The following POLR2F variants were observed in gnomAD, a reference collection of about 807,000 sequenced individuals.
The protein encoded by POLR2F is DNA-directed RNA polymerases I, II, and III subunit RPABC2.
Under a neutral mutation model 22.7 loss-of-function variants are expected in POLR2F, and 12 were observed. That is an observed-to-expected ratio of 0.53 (90% CI 0.34 to 0.86). POLR2F has a LOEUF of 0.86. Ranked by LOEUF, POLR2F falls within the 40% of genes least tolerant of loss-of-function variation. POLR2F has a pLI of 0.02. For missense variants in POLR2F, 126 were observed against 171.5 expected (o/e 0.73, Z 1.48); for synonymous variants, 57 against 66.0 (o/e 0.86, Z 0.66).
chr22:37,958,211 C>T (rs939626664), intron 2 of POLR2F, among the ~76,000 whole-genome samples: 17 of 142,632 alleles, frequency 1.2e-4, no homozygotes, highest in African/African-American at 3.2e-4. Flanking sequence ...TTTTTTGAGA[C>T]GGGGTCTTGC....
At chr22:37,954,412 C>T (rs1931274708) in intron 1 of POLR2F, among the ~76,000 whole-genome samples, 1 of 152,048 alleles carries the variant, frequency 6.6e-6, no homozygotes, top group Non-Finnish European at 1.5e-5. Context: ...AAGGGATTCT[C>T]CTGCCTCAGC....
intron 5 of POLR2F, chr22:38,040,254 C>T (rs1420281476): frequency 6.9e-6 from 1 of 144,512 alleles, no homozygotes; most frequent in Non-Finnish European, 1.5e-5. Context: ...CATGGCACCC[C>T]AGCCTGGGGG....
upstream of POLR2F, among the ~76,000 whole-genome samples, chr22:37,981,253 G>C (rs1932387346): frequency 1.3e-5 from 2 of 152,292 alleles, no homozygotes; most frequent in East Asian, 3.9e-4. Flanking sequence ...GAGGTTTCAG[G>C]AGAAGCCCCT....
chr22:38,039,175 G>A (rs2085147736), intron 5 of POLR2F, among the ~76,000 whole-genome samples: 1 of 152,328 alleles, frequency 6.6e-6, no homozygotes, highest in East Asian at 1.9e-4. Context: ...AGAAAGAGCC[G>A]TCTCTGCACC....
chr22:37,973,471 G>C (rs764463941), downstream of POLR2F: 2 of 1,455,006 alleles, frequency 1.4e-6, no homozygotes, highest in South Asian at 1.2e-5. Flanking sequence ...GGCTGGGCGG[G>C]GGGTGGTGGC....
chr22:38,018,006 C>T (rs1390976356), intron 1 of POLR2F, among the ~76,000 whole-genome samples: 1 of 152,200 alleles, frequency 6.6e-6, no homozygotes, highest in Non-Finnish European at 1.5e-5. Flanking sequence ...GAACGTTATC[C>T]AGATCCTCCT....
downstream of POLR2F, chr22:37,973,857 G>A (rs767228150): frequency 6.2e-7 from 1 of 1,608,080 alleles, no homozygotes; most frequent in African/African-American, 1.3e-5. Flanking sequence ...ACACCAGGTG[G>A]TGAGACCGTG....
chr22:38,036,211 A>G (rs922784437), intron 5 of POLR2F, among the ~76,000 whole-genome samples: 1 of 151,690 alleles, frequency 6.6e-6, no homozygotes, highest in African/African-American at 2.4e-5. Context: ...CCCTGACCTC[A>G]GGTGATCCAC....
chr22:37,953,807 A>G lies in POLR2F; in HGVS notation c.20A>G (p.Asn7Ser). The change falls in exon 1 of 5, where the codon AAT (asparagine) becomes AGT (serine). Residue 7 changes from asparagine to serine, a missense_variant and splice_region_variant. Coordinates refer to ENST00000442738, the MANE Select transcript of POLR2F (RefSeq NM_021974.5). MSDNED[N>S]FDGDDFDDVE... ...GGTGTCATGTCAGACAACGAGGACA[A>G]GTGAGTGCGGGAGCGGAGTGGCCTT... 6.2e-7 allele frequency: 1 copy of G among 1,609,704 alleles called. No homozygotes were observed. The highest frequency in any genetic ancestry group is 1.1e-5 in the South Asian group (1 of 90,272).
At chr22:38,031,620 C>T (rs1355310757), downstream of POLR2F, among the ~76,000 whole-genome samples, 7 of 152,168 alleles carry the variant, frequency 4.6e-5, no homozygotes, top group Non-Finnish European at 1.0e-4. The surrounding 1 kb of genome is among the most constrained non-coding windows in gnomAD (Gnocchi z 4.1). Flanking sequence ...CCTGATGTCA[C>T]AGGTGTCCCG....
At chr22:38,037,884 C>T (rs1241663143) in intron 5 of POLR2F, among the ~76,000 whole-genome samples, 2 of 152,138 alleles carry the variant, frequency 1.3e-5, no homozygotes, top group Non-Finnish European at 2.9e-5. Flanking sequence ...GGAGTGCCTC[C>T]TATGTGTGGC....
intron 1 of POLR2F, among the ~76,000 whole-genome samples, chr22:37,991,828 C>T (rs1337815557): frequency 6.6e-6 from 1 of 152,162 alleles, no homozygotes; most frequent in Non-Finnish European, 1.5e-5. Flanking sequence ...TGTTCCCATG[C>T]CTTCAGAGTT....
intron 1 of POLR2F, among the ~76,000 whole-genome samples, chr22:38,001,264 A>G (rs2084766815): frequency 1.3e-5 from 2 of 152,208 alleles, no homozygotes; most frequent in African/African-American, 4.8e-5. Context: ...CACATGGGCC[A>G]TGGCAGGCTC....
intron 3 of POLR2F, among the ~76,000 whole-genome samples, chr22:37,962,772 G>A (rs946007611): frequency 4.7e-5 from 7 of 148,830 alleles, no homozygotes; most frequent in Non-Finnish European, 8.9e-5. Context: ...CTCACTGCAA[G>A]CTCTGCCTCA....
downstream of POLR2F, chr22:37,973,340 G>C: frequency 1.7e-6 from 1 of 603,944 alleles, no homozygotes; most frequent in Non-Finnish European, 2.9e-6. Context: ...TGGGTCATCA[G>C]GGCAGTGAGC....
At chr22:38,032,892 G>T in intron 5 of POLR2F, 1 of 165,532 alleles carries the variant, frequency 6.0e-6, no homozygotes. Flanking sequence ...AAGCTGAGAA[G>T]GGCTCCGTGG....
At chr22:38,030,472 G>A (rs1028396527), downstream of POLR2F, among the ~76,000 whole-genome samples, 10 of 152,160 alleles carry the variant, frequency 6.6e-5, no homozygotes, top group African/African-American at 2.2e-4. Flanking sequence ...GAGCCAGTGT[G>A]CGCTGACTCC....
chr22:37,964,538 C>T (rs1021913795), intron 3 of POLR2F, among the ~76,000 whole-genome samples: 1 of 151,834 alleles, frequency 6.6e-6, no homozygotes, highest in African/African-American at 2.4e-5. Flanking sequence ...ACTCATAAAT[C>T]CAAGTGTCCT....
At chr22:37,973,852 A>G (rs1303456895), downstream of POLR2F, 1 of 1,608,108 alleles carries the variant, frequency 6.2e-7, no homozygotes, top group East Asian at 2.2e-5. Flanking sequence ...CATCCACACC[A>G]GGTGGTGAGA....
Sources: allele counts gnomAD v4.1 joint callset (sites outside exome capture counted in the v4.1 genomes callset), GRCh38; gene constraint gnomAD v4.1.1; non-coding constraint Gnocchi (gnomAD v3.1); transcripts MANE v1.5; gene names NCBI Gene and HGNC (gene_info 2026-07-23, HGNC 2026-07-21).